PRKCE: variants seen among roughly 807,000 people sequenced by gnomAD.
PRKCE encodes the protein protein kinase C epsilon, also known as protein kinase C epsilon type.
In PRKCE, 16 loss-of-function variants were observed where a neutral mutation model predicts 85.4. The ratio of observed to expected loss-of-function variants is 0.19; its 90% confidence interval spans 0.13 to 0.28. The LOEUF is 0.28. Ranked by LOEUF, PRKCE falls within the 10% of genes least tolerant of loss-of-function variation. The probability of loss-of-function intolerance (pLI) is 1.00; values close to 1 mark genes in which losing one functional copy is unlikely to be tolerated. For synonymous variants in PRKCE, 388 were observed against 371.5 expected, an observed-to-expected ratio of 1.04 and a Z score of -0.51; for missense variants, 573 against 975.2, an observed-to-expected ratio of 0.59 and a Z score of 5.49.
At chr2:46,086,071 T>C in intron 10 of PRKCE, 137 bp from the exon 11 acceptor site, 4 of 823,870 alleles carry the variant, frequency 4.9e-6, no homozygotes, top group Non-Finnish European at 7.8e-6. Flanking sequence ...ATGGATCAGG[T>C]GCTACCAGGA....
chr2:46,083,719 G>T (rs1212794764), intron 10 of PRKCE, among the ~76,000 whole-genome samples: 1 of 152,200 alleles, frequency 6.6e-6, no homozygotes, highest in East Asian at 1.9e-4. Context: ...CTCCGCCCCA[G>T]ATCTTCTGAA....
intron 10 of PRKCE, among the ~76,000 whole-genome samples, chr2:46,077,063 G>A (rs1290150002): frequency 6.6e-6 from 1 of 152,168 alleles, no homozygotes; most frequent in African/African-American, 2.4e-5. Flanking sequence ...ATAAGTCCTA[G>A]TGATTTGCTG....
At chr2:46,124,603 G>T (rs1385434385) in intron 11 of PRKCE, among the ~76,000 whole-genome samples, 1 of 152,136 alleles carries the variant, frequency 6.6e-6, no homozygotes, top group Non-Finnish European at 1.5e-5. Flanking sequence ...TGTTAAAAAT[G>T]ACCACATAAT....
At chr2:45,744,637 T>C (rs541590875) in intron 1 of PRKCE, among the ~76,000 whole-genome samples, 3 of 151,570 alleles carry the variant, frequency 2.0e-5, no homozygotes, top group African/African-American at 7.3e-5. Flanking sequence ...AGACAGAGTC[T>C]CGCTGTGTCA....
chr2:45,771,432 G>A (rs999030785), intron 1 of PRKCE, among the ~76,000 whole-genome samples: 1 of 152,056 alleles, frequency 6.6e-6, no homozygotes, highest in East Asian at 1.9e-4. Context: ...CCTCTCCAGC[G>A]GGTGGAGATG....
chr2:46,138,130 G>A lies in PRKCE; in HGVS notation c.1593-6963G>A, dbSNP rs1036658845. On this transcript the variant is annotated intron_variant, in intron 11 of 14. Transcript: ENST00000306156. The surrounding 1 kb of genome is among the most constrained non-coding windows in gnomAD (Gnocchi z 4.2). The stretch of plus-strand genomic sequence containing the variant: ...AGGGAATTTCCTTTCTTGTCATGTT[G>A]TGATTTTCTGGAAGAGATCTTCACT... Among the ~76,000 whole-genome samples the A allele has an allele frequency of 6.6e-6, 1 of 152,018 alleles. No homozygotes were observed. The highest frequency in any genetic ancestry group is 1.5e-5 in the Non-Finnish European group (1 of 68,002).
intron 2 of PRKCE, among the ~76,000 whole-genome samples, chr2:45,969,409 G>C (rs944899874): frequency 1.3e-5 from 2 of 152,186 alleles, no homozygotes; most frequent in African/African-American, 4.8e-5. Flanking sequence ...AGAGGTCACG[G>C]CAAATGAACT....
chr2:45,779,348 C>T (rs1686000415), intron 1 of PRKCE, among the ~76,000 whole-genome samples: 1 of 152,040 alleles, frequency 6.6e-6, no homozygotes, highest in African/African-American at 2.4e-5. Flanking sequence ...CGAAAGGTGG[C>T]ATGGGAAGAG....
chr2:45,832,037 A>G (rs1690467321), intron 1 of PRKCE, among the ~76,000 whole-genome samples: 1 of 152,220 alleles, frequency 6.6e-6, no homozygotes, highest in Non-Finnish European at 1.5e-5. Context: ...ATGCTTTTAT[A>G]GTTTTTTATA....
chr2:46,021,161 G>A (rs1478052461), intron 10 of PRKCE, among the ~76,000 whole-genome samples: 1 of 152,212 alleles, frequency 6.6e-6, no homozygotes, highest in Non-Finnish European at 1.5e-5. Flanking sequence ...CCCTGATTTA[G>A]CGAGTGTAAT....
chr2:45,966,552 G>A (rs141982507), intron 2 of PRKCE, among the ~76,000 whole-genome samples: 93 of 152,272 alleles, frequency 6.1e-4, no homozygotes, highest in Non-Finnish European at 1.1e-3. Flanking sequence ...TCTTTGTGTT[G>A]TAAAATTACC....
intron 13 of PRKCE, 115 bp downstream of exon 13, chr2:46,151,344 T>C: frequency 1.8e-6 from 2 of 1,095,132 alleles, no homozygotes; most frequent in Non-Finnish European, 2.6e-6. Flanking sequence ...CCTTTCTCTG[T>C]CCAGCTTTCT....
chr2:45,875,127 A>G (rs1322464802), intron 2 of PRKCE, among the ~76,000 whole-genome samples: 1 of 152,166 alleles, frequency 6.6e-6, no homozygotes, highest in Non-Finnish European at 1.5e-5. Context: ...TGTGAATGGT[A>G]TGGGCATGAG....
chr2:45,795,122 C>A (rs1177622385), intron 1 of PRKCE, among the ~76,000 whole-genome samples: 2 of 152,148 alleles, frequency 1.3e-5, no homozygotes, highest in Non-Finnish European at 2.9e-5. Flanking sequence ...CCAGAGACTG[C>A]AGCATCCATG....
chr2:46,026,855 A>G (rs895252479), intron 10 of PRKCE, among the ~76,000 whole-genome samples: 4 of 152,186 alleles, frequency 2.6e-5, no homozygotes, highest in Non-Finnish European at 5.9e-5. Flanking sequence ...AGACTAAACA[A>G]TATTCTTAGG....
intron 1 of PRKCE, among the ~76,000 whole-genome samples, chr2:45,728,061 C>A (rs182209480): frequency 3.0e-4 from 45 of 152,302 alleles, no homozygotes; most frequent in African/African-American, 9.9e-4. Flanking sequence ...CACCATGCCT[C>A]GCTTTCTGTT....
chr2:45,654,089 A>G (rs568432273), intron 1 of PRKCE, among the ~76,000 whole-genome samples: 23 of 152,360 alleles, frequency 1.5e-4, no homozygotes, highest in Admixed American at 3.3e-4. Flanking sequence ...GGGGGTGGAA[A>G]AAACTTGACG....
At chr2:46,118,658 G>A (rs1471784861) in intron 11 of PRKCE, among the ~76,000 whole-genome samples, 1 of 152,182 alleles carries the variant, frequency 6.6e-6, no homozygotes, top group Non-Finnish European at 1.5e-5. Flanking sequence ...AGAATACAGA[G>A]CATGAAGAAA....
At chr2:45,857,646 C>T (rs1166549220) in intron 2 of PRKCE, among the ~76,000 whole-genome samples, 1 of 152,036 alleles carries the variant, frequency 6.6e-6, no homozygotes, top group Admixed American at 6.5e-5. Context: ...CTCCTGAGCT[C>T]AAGCAATCTG....
Sources: gnomAD v4.1 joint callset for allele counts (sites outside exome capture counted in the v4.1 genomes callset) on GRCh38, gnomAD v4.1.1 for gene constraint, Gnocchi (gnomAD v3.1) non-coding constraint, MANE v1.5 for transcripts, NCBI Gene and HGNC (gene_info 2026-07-23, HGNC 2026-07-21) for gene names.